DLGAP1: variants seen among roughly 807,000 people sequenced by gnomAD.
The protein encoded by DLGAP1 is DLG associated protein 1.
DLGAP1 carries 11 observed loss-of-function variants against 90.8 expected under a neutral mutation model. That is an observed-to-expected ratio of 0.12 (90% CI 0.08 to 0.20). The LOEUF (loss-of-function observed/expected upper bound fraction) is 0.20. Ranked by LOEUF, DLGAP1 falls within the 10% of genes least tolerant of loss-of-function variation. DLGAP1 has a pLI of 1.00. For synonymous variants in DLGAP1, 558 were observed against 540.7 expected, an observed-to-expected ratio of 1.03 and a Z score of -0.44; for missense variants, 1,050 against 1,333.8, an observed-to-expected ratio of 0.79 and a Z score of 3.31.
At chr18:3,897,020 C>T (rs570635812) in intron 3 of DLGAP1, 2 of 152,354 alleles carry the variant, frequency 1.3e-5, no homozygotes, top group East Asian at 1.9e-4. Context: ...ATTTCTACAC[C>T]GCTGTCCATT....
intron 3 of DLGAP1, among the ~76,000 whole-genome samples, chr18:3,981,173 C>T (rs1269894271): frequency 2.0e-5 from 3 of 152,206 alleles, no homozygotes; most frequent in Admixed American, 6.5e-5. Flanking sequence ...GGATATTTGC[C>T]CCCATCAGAC....
chr18:3,834,305 CAAAAAAAAAAAAA>C (rs35630074), intron 4 of DLGAP1, among the ~76,000 whole-genome samples: 1 of 33,166 alleles, frequency 3.0e-5, no homozygotes, highest in East Asian at 7.0e-4. Flanking sequence ...GACTCTGTCT[CAAAAAAAAAAAAA>C]AAAAAAAAAA....
intron 5 of DLGAP1, among the ~76,000 whole-genome samples, chr18:3,772,972 T>A (rs2064762904): frequency 6.6e-6 from 1 of 152,204 alleles, no homozygotes; most frequent in African/African-American, 2.4e-5. Flanking sequence ...AGTGTTCCTG[T>A]CCATAATTAA....
chr18:3,858,787 T>C (rs536440486), intron 4 of DLGAP1, among the ~76,000 whole-genome samples: 235 of 152,244 alleles, frequency 1.5e-3, no homozygotes, highest in Non-Finnish European at 2.8e-3. Context: ...GCTTACTAAA[T>C]GAGCTTTCAC....
intron 7 of DLGAP1, among the ~76,000 whole-genome samples, chr18:3,599,516 C>G (rs1479544032): frequency 2.0e-5 from 3 of 152,220 alleles, no homozygotes; most frequent in Non-Finnish European, 2.9e-5. Flanking sequence ...TTCTGGAGCT[C>G]TGTGCTAACT....
chr18:4,312,333 C>A (rs114276005), intron 1 of DLGAP1, among the ~76,000 whole-genome samples: 402 of 152,260 alleles, frequency 2.6e-3, no homozygotes, highest in African/African-American at 9.4e-3. Context: ...TGAACATGGT[C>A]TTACCACTAC....
chr18:4,225,228 A>C (rs1288278269), intron 1 of DLGAP1, among the ~76,000 whole-genome samples: 1 of 152,144 alleles, frequency 6.6e-6, no homozygotes, highest in Non-Finnish European at 1.5e-5. Flanking sequence ...CAGCATTACA[A>C]GGATGGGGGT....
At chr18:4,399,676 C>A (rs1481857976) in intron 1 of DLGAP1, among the ~76,000 whole-genome samples, 1 of 152,176 alleles carries the variant, frequency 6.6e-6, no homozygotes, top group Non-Finnish European at 1.5e-5. Context: ...GGATGTGAAG[C>A]CTACTACTTT....
chr18:3,740,872 C>T (rs534853925), intron 6 of DLGAP1, among the ~76,000 whole-genome samples: 2 of 149,120 alleles, frequency 1.3e-5, no homozygotes, highest in East Asian at 4.0e-4. Flanking sequence ...CCACCGCCAC[C>T]ACCGTCACCA....
chr18:3,812,216 A>T (rs2066879258), intron 5 of DLGAP1, among the ~76,000 whole-genome samples: 1 of 152,042 alleles, frequency 6.6e-6, no homozygotes, highest in South Asian at 2.1e-4. Context: ...TCCATAGAAG[A>T]ATTTTTTTTT....
Position 4,259,300 on chromosome 18 carries a change from T to C in DLGAP1, c.-266-108013A>G, listed in dbSNP as rs563853407. Among the ~76,000 whole-genome samples the C allele has an allele frequency of 1.0e-3, 158 of 152,326 alleles. 1 individual carries two copies. Among genetic ancestry groups the C allele is most frequent in the African/African-American group, 3.5e-3 (147 of 41,582 alleles). ...GGAGCCTAGGGTGTGTGGGATGGAA[T>C]GTGGAACAAACTGAAAGATGTAATA... On this transcript the variant is annotated intron_variant, in intron 1 of 12. Coordinates refer to ENST00000315677, the MANE Select transcript of DLGAP1 (RefSeq NM_004746.4).
At chr18:3,999,746 T>C (rs1455076730) in intron 3 of DLGAP1, among the ~76,000 whole-genome samples, 1 of 152,130 alleles carries the variant, frequency 6.6e-6, no homozygotes. Context: ...CACTACAGAG[T>C]CTGAGAAGCA....
At chr18:3,719,556 CAAAAAAAA>C (rs60129859) in intron 7 of DLGAP1, among the ~76,000 whole-genome samples, 2 of 58,426 alleles carry the variant, frequency 3.4e-5, no homozygotes, top group Admixed American at 1.9e-4. Context: ...GACTCTGTCT[CAAAAAAAA>C]AAAAAAAAAA....
chr18:4,195,676 T>C lies in DLGAP1; in HGVS notation c.-266-44389A>G, dbSNP rs1252111255. ...AAGAGAATCTCCTGCCTCAGCCTCC[T>C]GAGTAGCTGGGATTACAGACATGCA... On this transcript the variant is annotated intron_variant, in intron 1 of 12. Coordinates refer to ENST00000315677, the MANE Select transcript of DLGAP1 (RefSeq NM_004746.4). Among the ~76,000 whole-genome samples, 3 of 152,156 alleles carry C rather than the reference T, an allele frequency of 2.0e-5. No homozygotes were observed. The South Asian group carries it at 6.2e-4, about 32-fold the overall frequency.
intron 5 of DLGAP1, among the ~76,000 whole-genome samples, chr18:3,802,884 G>T (rs185704287): frequency 8.0e-4 from 122 of 152,208 alleles, no homozygotes; most frequent in African/African-American, 2.9e-3. Context: ...CTCTTTACTT[G>T]GGGCCTCCAT....
chr18:3,580,367 G>A (rs987024507), intron 8 of DLGAP1: 46 of 1,613,766 alleles, frequency 2.9e-5, no homozygotes, highest in Non-Finnish European at 1.3e-5. Context: ...CTCGGGGCTC[G>A]AATTTCAGAG....
intron 1 of DLGAP1, among the ~76,000 whole-genome samples, chr18:4,271,064 C>T (rs663289): frequency 0.087 from 13,293 of 152,152 alleles, 1,233 homozygotes; most frequent in African/African-American, 0.24. Flanking sequence ...CAGAAGCCAG[C>T]TGATTCACAA....
At chr18:3,834,386 T>C (rs983507747) in intron 4 of DLGAP1, among the ~76,000 whole-genome samples, 2 of 151,146 alleles carry the variant, frequency 1.3e-5, no homozygotes, top group African/African-American at 4.9e-5. Flanking sequence ...AAATGCATGG[T>C]AGTGAATACT....
intron 3 of DLGAP1, among the ~76,000 whole-genome samples, chr18:3,902,780 C>T (rs943721482): frequency 3.9e-5 from 6 of 152,094 alleles, no homozygotes; most frequent in Admixed American, 3.9e-4. Flanking sequence ...CCATGTGTAT[C>T]AGCCCAAGTT....
Sources: gnomAD v4.1 joint callset for allele counts (sites outside exome capture counted in the v4.1 genomes callset) on GRCh38, gnomAD v4.1.1 for gene constraint, MANE v1.5 for transcripts, NCBI Gene and HGNC (gene_info 2026-07-23, HGNC 2026-07-21) for gene names.